LIPK: variants seen among roughly 807,000 people sequenced by gnomAD.
The protein encoded by LIPK is lipase family member K.
LIPK carries 32 observed loss-of-function variants against 48.6 expected under a neutral mutation model. The observed-to-expected ratio is 0.66, with a 90% CI of 0.50 to 0.88. The LOEUF (loss-of-function observed/expected upper bound fraction) is 0.88. LIPK is among the 40% of genes least tolerant of loss of function. LIPK has a pLI of 0.00. For synonymous variants in LIPK, 164 were observed against 157.4 expected (o/e 1.04, Z -0.32); for missense variants, 507 against 478.5 (o/e 1.06, Z -0.56).
intron 9 of LIPK, among the ~76,000 whole-genome samples, chr10:88,750,610 G>A (rs2134801020): frequency 6.6e-6 from 1 of 152,210 alleles, no homozygotes; most frequent in African/African-American, 2.4e-5. Context: ...GAGTTTACAT[G>A]GACACAAAGA....
chr10:88,723,507 A>C (rs1256152027), intron 1 of LIPK, among the ~76,000 whole-genome samples: 1 of 152,194 alleles, frequency 6.6e-6, no homozygotes, highest in South Asian at 2.1e-4. Flanking sequence ...AGCCCTCTTG[A>C]AAAATGTTCC....
chr10:88,720,715 G>GCACACACACACACACA (rs3068334), intron 1 of LIPK, among the ~76,000 whole-genome samples: 1 of 150,106 alleles, frequency 6.7e-6, no homozygotes, highest in African/African-American at 2.4e-5. Context: ...CAAGTTTTAT[G>GCACACACACACACACA]CACACACACA....
At chr10:88,710,926 A>C (rs533272521) in intron 1 of LIPK, among the ~76,000 whole-genome samples, 1 of 152,152 alleles carries the variant, frequency 6.6e-6, no homozygotes, top group East Asian at 1.9e-4. Context: ...CCCATCATCA[A>C]TATATGGAAA....
At chr10:88,712,017 A>G (rs1012977476) in intron 1 of LIPK, among the ~76,000 whole-genome samples, 1 of 152,172 alleles carries the variant, frequency 6.6e-6, no homozygotes, top group African/African-American at 2.4e-5. Flanking sequence ...TTGTTCCTGC[A>G]GGAATAATTG....
At position 88,732,351 on chromosome 10, in the gene LIPK, C is replaced by T; in HGVS notation, c.532+64C>T. 2.5e-6 allele frequency: 4 copies of T among 1,594,940 alleles called. No individual in the cohort carries two copies. The South Asian group carries it at 4.5e-5, about 18-fold the overall frequency. On this transcript the variant is annotated intron_variant, in intron 5 of 9. Coordinates refer to ENST00000404190, the MANE Select transcript of LIPK (RefSeq NM_001080518.2). The stretch of plus-strand genomic sequence containing the variant: ...CTCTTCTTCCATATGGCTACATTTA[C>T]TACAACTTAAAATGAACAAATAATT...
intron 7 of LIPK, among the ~76,000 whole-genome samples, chr10:88,739,212 G>A (rs1474254636): frequency 6.6e-6 from 1 of 152,122 alleles, no homozygotes; most frequent in Non-Finnish European, 1.5e-5. Context: ...GAGTCCTGTA[G>A]AATACTCATC....
At chr10:88,725,364 G>A (rs569401509) in intron 2 of LIPK, among the ~76,000 whole-genome samples, 1 of 152,194 alleles carries the variant, frequency 6.6e-6, no homozygotes, top group South Asian at 2.1e-4. Flanking sequence ...GGGATTTTTA[G>A]CTTTTAATCC....
At chr10:88,735,227 A>G (rs1345386456) in intron 6 of LIPK, among the ~76,000 whole-genome samples, 1 of 152,164 alleles carries the variant, frequency 6.6e-6, no homozygotes, top group Non-Finnish European at 1.5e-5. Flanking sequence ...AAATTCATTC[A>G]TCCATTCCCC....
intron 1 of LIPK, among the ~76,000 whole-genome samples, chr10:88,724,019 C>T (rs442545): frequency 6.6e-6 from 1 of 151,996 alleles, no homozygotes. Context: ...TGTTTATATA[C>T]ACGTCATTTT....
At chr10:88,718,851 T>C (rs748601707) in intron 1 of LIPK, among the ~76,000 whole-genome samples, 26 of 152,268 alleles carry the variant, frequency 1.7e-4, no homozygotes, top group Non-Finnish European at 3.1e-4. Flanking sequence ...GAAAAATGAA[T>C]ATTATTAATA....
chr10:88,711,973 T>A (rs1410054265), intron 1 of LIPK, among the ~76,000 whole-genome samples: 4 of 152,220 alleles, frequency 2.6e-5, no homozygotes, highest in African/African-American at 9.7e-5. Flanking sequence ...TTGGGAAATG[T>A]ATCAAGGTTA....
rs781358294 is a variant in LIPK at position 88,737,782 on chromosome 10, G to A, written c.816+1G>A. Reference sequence around the variant, plus strand: ...ATTTGATCCGCAAAACTTAAATATGGTAGGTGTAAGTAATTGGGTCTGGGA... The same window carrying A: ...ATTTGATCCGCAAAACTTAAATATGATAGGTGTAAGTAATTGGGTCTGGGA... On this transcript the variant is annotated splice_donor_variant, in intron 7 of 9. Transcript: ENST00000404190. LOFTEE classifies it high-confidence loss of function. 9 of 1,613,442 alleles carry A rather than the reference G, an allele frequency of 5.6e-6. No individual in the cohort carries two copies. In the East Asian group the frequency reaches 1.8e-4, roughly 32 times the overall value.
intron 6 of LIPK, among the ~76,000 whole-genome samples, chr10:88,735,897 T>C (rs535524808): frequency 6.6e-6 from 1 of 152,334 alleles, no homozygotes; most frequent in South Asian, 2.1e-4. Flanking sequence ...AGTAAATGCA[T>C]AGTAATTTTG....
intron 8 of LIPK, among the ~76,000 whole-genome samples, chr10:88,741,200 C>T (rs1842674394): frequency 6.6e-6 from 1 of 151,998 alleles, no homozygotes; most frequent in South Asian, 2.1e-4. Context: ...ATAGCATATT[C>T]TTTTATTTAT....
chr10:88,729,258 G>T (rs74677187), intron 3 of LIPK, among the ~76,000 whole-genome samples: 16 of 110,176 alleles, frequency 1.5e-4, no homozygotes, highest in African/African-American at 2.0e-4. Context: ...CTGTTGGGGG[G>T]GGGGGGCGGG....
In LIPK at chr10:88,739,981, G is replaced by T. The variant is rs766792813; in HGVS notation, c.817-15G>T. ...GATATGATTAGCCTCTAGATGAGAA[G>T]TAATCTCTTTGCAGAGTCGCTTGGA... On this transcript the variant is annotated splice_polypyrimidine_tract_variant and intron_variant, in intron 7 of 9. Coordinates refer to ENST00000404190, the MANE Select transcript of LIPK (RefSeq NM_001080518.2). 4.4e-6 allele frequency: 7 copies of T among 1,595,876 alleles called. No individual in the cohort carries two copies. The South Asian group carries it at 7.8e-5, about 18-fold the overall frequency.
At chr10:88,718,778 A>G (rs1024227670) in intron 1 of LIPK, among the ~76,000 whole-genome samples, 3 of 152,176 alleles carry the variant, frequency 2.0e-5, no homozygotes. Context: ...ATGATTAAGC[A>G]TATAGATGCT....
intron 9 of LIPK, among the ~76,000 whole-genome samples, chr10:88,752,089 T>A (rs1312751069): frequency 2.0e-5 from 3 of 152,210 alleles, no homozygotes; most frequent in Admixed American, 2.0e-4. Context: ...TTGGTCTCAA[T>A]GCTCCCTGAA....
rs759324412 is a variant in LIPK at position 88,726,826 on chromosome 10, A to T, written c.137A>T (p.Tyr46Phe). ...SQIISYWGYP[Y>F]EEYDVTTKDG... ...ATTATTTCTTACTGGGGTTATCCTT[A>T]TGAAGAGTATGATGTTACAACAAAA... The change falls in exon 3 of 10, where the codon TAT (tyrosine) becomes TTT (phenylalanine). Residue 46 changes from tyrosine to phenylalanine, a missense_variant. By Grantham distance (22) the Tyr-to-Phe change is conservative (BLOSUM62 3). Transcript: ENST00000404190. 1.0e-5 allele frequency: 16 copies of T among 1,601,352 alleles called. No individual in the cohort carries two copies. Among genetic ancestry groups the T allele is most frequent in the Non-Finnish European group, 1.3e-5 (15 of 1,169,714 alleles).
Sources: gnomAD v4.1 joint callset for allele counts (sites outside exome capture counted in the v4.1 genomes callset) on GRCh38, gnomAD v4.1.1 for gene constraint, MANE v1.5 for transcripts, NCBI Gene and HGNC (gene_info 2026-07-23, HGNC 2026-07-21) for gene names.